The following GRM7 variants were observed in gnomAD, a reference collection of about 807,000 sequenced individuals.
GRM7 encodes metabotropic glutamate receptor 7.
In GRM7, 35 loss-of-function variants were observed where a neutral mutation model predicts 84.5. The ratio of observed to expected loss-of-function variants is 0.41; its 90% CI spans 0.32 to 0.55. The LOEUF is 0.55. Ranked by LOEUF, GRM7 falls within the 20% of genes least tolerant of loss-of-function variation. GRM7 has a pLI of 0.19. For missense variants in GRM7, 1,003 were observed against 1,194.6 expected (o/e 0.84, Z 2.36); for synonymous variants, 487 against 455.1 (o/e 1.07, Z -0.89).
chr3:7,309,266 A>G (rs573062319), intron 4 of GRM7, among the ~76,000 whole-genome samples: 9 of 152,358 alleles, frequency 5.9e-5, no homozygotes, highest in African/African-American at 2.2e-4. Context: ...GAAGAAATGC[A>G]TTCAGTTATG....
intron 2 of GRM7, among the ~76,000 whole-genome samples, chr3:7,225,542 T>A (rs1002874278): frequency 7.4e-5 from 11 of 147,796 alleles, no homozygotes; most frequent in African/African-American, 2.7e-4. Flanking sequence ...AAATTATATA[T>A]GATATATAAA....
At chr3:7,474,536 T>C (rs980073671) in intron 7 of GRM7, among the ~76,000 whole-genome samples, 8 of 151,564 alleles carry the variant, frequency 5.3e-5, no homozygotes, top group South Asian at 2.1e-4. Context: ...GTTGTGCACA[T>C]ACATAAATGA....
At chr3:7,278,529 T>C (rs9849119) in intron 2 of GRM7, among the ~76,000 whole-genome samples, 73,468 of 151,916 alleles carry the variant, frequency 0.48, 18,530 homozygotes, top group African/African-American at 0.63. Flanking sequence ...TTCTTTTTAA[T>C]TTATTCATTC....
chr3:7,490,315 C>A (rs1235400744), intron 7 of GRM7, among the ~76,000 whole-genome samples: 1 of 152,014 alleles, frequency 6.6e-6, no homozygotes, highest in Non-Finnish European at 1.5e-5. Context: ...GGCTTTAGGG[C>A]AAAATATGAG....
chr3:7,678,788 T>A (rs990865218), intron 8 of GRM7, among the ~76,000 whole-genome samples: 1 of 152,198 alleles, frequency 6.6e-6, no homozygotes, highest in Non-Finnish European at 1.5e-5. Flanking sequence ...AGGGCCTCTG[T>A]TTGAAGAATT....
At chr3:7,601,506 A>G (rs940758168) in intron 8 of GRM7, among the ~76,000 whole-genome samples, 5 of 152,170 alleles carry the variant, frequency 3.3e-5, no homozygotes, top group Non-Finnish European at 5.9e-5. Context: ...TAACCCTTCA[A>G]TCAGAGATCT....
chr3:7,239,017 G>T (rs558450451), intron 2 of GRM7, among the ~76,000 whole-genome samples: 96 of 69,686 alleles, frequency 1.4e-3, no homozygotes, highest in African/African-American at 4.7e-3. Flanking sequence ...TTTTTGACAT[G>T]GTCTCATTCT....
chr3:7,256,393 T>C (rs753934104), intron 2 of GRM7, among the ~76,000 whole-genome samples: 2 of 152,206 alleles, frequency 1.3e-5, no homozygotes, highest in African/African-American at 2.4e-5. Flanking sequence ...TTTTGGTTTG[T>C]AGTTTGTTTG....
chr3:7,264,916 A>C (rs9827496), intron 2 of GRM7, among the ~76,000 whole-genome samples: 1 of 152,128 alleles, frequency 6.6e-6, no homozygotes, highest in African/African-American at 2.4e-5. Context: ...AGTCAATGAA[A>C]GTTGCATTAC....
At chr3:7,016,461 A>T (rs116013182) in intron 1 of GRM7, among the ~76,000 whole-genome samples, 2 of 152,250 alleles carry the variant, frequency 1.3e-5, no homozygotes, top group African/African-American at 4.8e-5. Flanking sequence ...AGGGGTGAGG[A>T]AGTCATCATG....
intron 9 of GRM7, among the ~76,000 whole-genome samples, chr3:7,732,784 TG>T (rs1702376910): frequency 6.6e-6 from 1 of 152,322 alleles, no homozygotes; most frequent in East Asian, 1.9e-4. Flanking sequence ...AAAGGGTTCT[TG>T]GCTCTTGCAG....
At chr3:7,095,400 T>G (rs1192050965) in intron 1 of GRM7, among the ~76,000 whole-genome samples, 2 of 152,290 alleles carry the variant, frequency 1.3e-5, no homozygotes. Flanking sequence ...CATCACTTAA[T>G]TAATGCCCTT....
chr3:7,212,727 C>T lies in GRM7; in HGVS notation c.736+66059C>T, dbSNP rs115561371. Among the ~76,000 whole-genome samples, 876 of 152,280 alleles carry T rather than the reference C, an allele frequency of 5.8e-3. 5 individuals are homozygous for T. The highest frequency in any genetic ancestry group is 0.014 in the Middle Eastern group (4 of 292). Reference sequence around the variant, plus strand: ...TGTTTTTATTCATTCATCCATTCATCCACTACCCAATCACCAAATATTTGA... The same window carrying T: ...TGTTTTTATTCATTCATCCATTCATTCACTACCCAATCACCAAATATTTGA... On this transcript the variant is annotated intron_variant, in intron 2 of 9. Transcript: ENST00000357716.
chr3:6,877,971 T>G (rs886855949), intron 1 of GRM7, among the ~76,000 whole-genome samples: 14 of 151,758 alleles, frequency 9.2e-5, no homozygotes, highest in African/African-American at 3.1e-4. Context: ...TTTACAGATC[T>G]GTGGTTACAA....
intron 8 of GRM7, among the ~76,000 whole-genome samples, chr3:7,653,356 C>T (rs1311929121): frequency 6.6e-6 from 1 of 151,910 alleles, no homozygotes; most frequent in East Asian, 1.9e-4. Context: ...ATGTTGAGAT[C>T]CAGGTAAGAA....
chr3:7,320,681 AGTGTGTGTGTGTGTGT>A (rs56313913), intron 4 of GRM7, among the ~76,000 whole-genome samples: 2 of 141,154 alleles, frequency 1.4e-5, no homozygotes, highest in South Asian at 2.4e-4. Flanking sequence ...GTGGGTGATC[AGTGTGTGTGTGTGTGT>A]GTGTGTGTGT....
At chr3:7,438,260 A>G (rs712781) in intron 5 of GRM7, among the ~76,000 whole-genome samples, 122,718 of 151,810 alleles carry the variant, frequency 0.81, 50,007 homozygotes, top group Non-Finnish European at 0.86. Context: ...ATAGGATAAT[A>G]ACTTGGAGAA....
rs531709815 is a variant in GRM7 at position 7,064,183 on chromosome 3, T to C, written c.520-82269T>C. Among the ~76,000 whole-genome samples, 640 of 151,220 alleles carry C rather than the reference T, an allele frequency of 4.2e-3. 4 individuals are homozygous for C. The highest frequency in any genetic ancestry group is 7.2e-3 in the Non-Finnish European group (486 of 67,610). ...GTGATTTGTGAGATTTTGGTGCACC[T>C]ATCACCCATCTATACACTATACTAT... On this transcript the variant is annotated intron_variant, in intron 1 of 9. Transcript: ENST00000357716.
Position 6,955,543 on chromosome 3 carries a change from AAAG to A in GRM7, c.519+93642_519+93644del, listed in dbSNP as rs370550204. On this transcript the variant is annotated intron_variant, in intron 1 of 9. Transcript: ENST00000357716. ...CAGAGCCAGGCTCCATCAAAAAAAA[AAAG>A]AAGAATAGAATGACAGGGCTGGGCA... Among the ~76,000 whole-genome samples, 1,049 of 151,922 alleles carry A rather than the reference AAAG, an allele frequency of 6.9e-3. 12 individuals are homozygous for A. The highest frequency in any genetic ancestry group is 0.024 in the African/African-American group (981 of 41,418).
Sources: gnomAD v4.1 joint callset for allele counts (sites outside exome capture counted in the v4.1 genomes callset) on GRCh38, gnomAD v4.1.1 for gene constraint, MANE v1.5 for transcripts, NCBI Gene and HGNC (gene_info 2026-07-23, HGNC 2026-07-21) for gene names.